Variants in PDE4D observed in about 807,000 individuals in gnomAD.
The protein encoded by PDE4D is 3',5'-cyclic-AMP phosphodiesterase 4D.
PDE4D carries 24 observed loss-of-function variants against 87.4 expected under a neutral mutation model. That is an observed-to-expected ratio of 0.27 (90% CI 0.20 to 0.39). PDE4D has a LOEUF of 0.39. PDE4D is among the 10% of genes least tolerant of loss of function. PDE4D has a pLI of 1.00. For missense variants in PDE4D, 714 were observed against 1,041.0 expected (o/e 0.69, Z 4.32); for synonymous variants, 384 against 383.2 (o/e 1.00, Z -0.02).
At chr5:59,276,140 A>G (rs944413406) in intron 1 of PDE4D, 182 of 983,008 alleles carry the variant, frequency 1.9e-4, no homozygotes, top group Middle Eastern at 1.6e-3. Context: ...AAAAAAAAAA[A>G]AAAGAAAAGC....
At chr5:60,335,387 T>A (rs1015567923) in intron 1 of PDE4D, among the ~76,000 whole-genome samples, 1 of 152,070 alleles carries the variant, frequency 6.6e-6, no homozygotes, top group African/African-American at 2.4e-5. Flanking sequence ...ATTATGGGAG[T>A]TAGGATTCTA....
At chr5:59,718,123 G>GTGATAT (rs1303964837) in intron 1 of PDE4D, among the ~76,000 whole-genome samples, 2 of 152,084 alleles carry the variant, frequency 1.3e-5, no homozygotes, top group African/African-American at 4.8e-5. Context: ...ACTATTCCCA[G>GTGATAT]TGATATTCCC....
chr5:59,547,025 C>A lies in PDE4D; in HGVS notation c.456-331057G>T, dbSNP rs556581297. On this transcript the variant is annotated intron_variant, in intron 1 of 14. Transcript: ENST00000340635. ...TGTGGGCATTATGCTTTCATGCCAA[C>A]CAAGCCACACCTTGATTTTCTGACT... Among the ~76,000 whole-genome samples the A allele has an allele frequency of 6.6e-5, 10 of 152,282 alleles. No homozygotes were observed. In the South Asian group the frequency reaches 1.9e-3, roughly 28 times the overall value.
At chr5:59,798,584 A>T (rs184862159) in intron 1 of PDE4D, among the ~76,000 whole-genome samples, 76 of 152,266 alleles carry the variant, frequency 5.0e-4, no homozygotes, top group Middle Eastern at 6.8e-3. Flanking sequence ...GGTAGGAATG[A>T]AAGAAAAAAC....
intron 2 of PDE4D, among the ~76,000 whole-genome samples, chr5:59,209,625 TTAAA>T (rs1434372941): frequency 6.6e-6 from 1 of 152,252 alleles, no homozygotes; most frequent in African/African-American, 2.4e-5. Context: ...GTTCCAATTA[TTAAA>T]TAGTTAAGTC....
At chr5:60,227,693 C>T (rs1352263302) in intron 1 of PDE4D, among the ~76,000 whole-genome samples, 2 of 151,876 alleles carry the variant, frequency 1.3e-5, no homozygotes, top group Non-Finnish European at 2.9e-5. Flanking sequence ...GTAAAAACCT[C>T]CTAATTAGTC....
intron 5 of PDE4D, among the ~76,000 whole-genome samples, chr5:59,122,061 G>C (rs1253339211): frequency 6.9e-6 from 1 of 145,610 alleles, no homozygotes; most frequent in African/African-American, 2.6e-5. Context: ...AGAATTGCTT[G>C]AACCCGGGAG....
chr5:59,420,644 A>G (rs568721962), intron 1 of PDE4D, among the ~76,000 whole-genome samples: 1 of 150,792 alleles, frequency 6.6e-6, no homozygotes, highest in East Asian at 2.0e-4. Flanking sequence ...GGAGAAAATT[A>G]GATTGTGTTA....
intron 1 of PDE4D, among the ~76,000 whole-genome samples, chr5:60,508,718 C>A (rs899110597): frequency 6.6e-6 from 1 of 152,148 alleles, no homozygotes; most frequent in Non-Finnish European, 1.5e-5. Flanking sequence ...TTTTCATCAC[C>A]TAATCAATAC....
chr5:59,893,580 C>G lies in PDE4D; in HGVS notation c.43G>C (p.Gly15Arg), dbSNP rs1343568016. The G allele has an allele frequency of 2.0e-6, 3 of 1,524,904 alleles. No homozygotes were observed. Among genetic ancestry groups the G allele is most frequent in the East Asian group, 5.2e-5 (2 of 38,192 alleles). 94.5% of individuals were successfully genotyped at this position (1,524,904 alleles called of 1,614,324 possible). ...GSSAPARAGS[G>R]EGSDSAGGAT... ...CCGCCGGCGCTGTCGCTGCCCTCTC[C>G]GCTGCCCGCCCGGGCCGGCGCGCTG... The change falls in exon 1 of 15, where the codon GGA becomes CGA. Residue 15 changes from glycine (G) to arginine (R), a missense_variant. Around this residue, in one of 7 missense-constraint regions of PDE4D, gnomAD observed 268 missense variants for 272.9 expected, o/e 0.98. Coordinates refer to ENST00000340635, the MANE Select transcript of PDE4D (RefSeq NM_001104631.2).
chr5:59,186,922 T>C (rs1743051157), intron 3 of PDE4D, among the ~76,000 whole-genome samples: 1 of 152,166 alleles, frequency 6.6e-6, no homozygotes, highest in African/African-American at 2.4e-5. Context: ...GGATAAATGA[T>C]CCACTGTCGT....
rs11461880 is a variant in PDE4D, at chr5:59,153,758, T to TG, written c.808+26836_808+26837insC. 4.8e-3 allele frequency among the ~76,000 whole-genome samples: 730 copies of TG among 150,696 alleles called. 8 individuals carry two copies. Among genetic ancestry groups the TG allele is most frequent in the African/African-American group, 0.017 (686 of 40,936 alleles). Reference sequence around the variant, plus strand: ...TGCTATACTGGTGGGCAGGGTTTTTTTTTTTGTTGTTGTTGTTTTTTTTTA... The same window carrying TG: ...TGCTATACTGGTGGGCAGGGTTTTTTGTTTTTGTTGTTGTTGTTTTTTTTTA... On this transcript the variant is annotated intron_variant, in intron 5 of 14. Coordinates refer to ENST00000340635, the MANE Select transcript of PDE4D (RefSeq NM_001104631.2).
At chr5:59,596,159 T>C (rs1036581650) in intron 1 of PDE4D, among the ~76,000 whole-genome samples, 4 of 151,624 alleles carry the variant, frequency 2.6e-5, no homozygotes, top group Admixed American at 2.0e-4. Flanking sequence ...TTACACATCA[T>C]TGGCAGTTAA....
rs1765544236 is a variant in PDE4D, at chr5:59,280,079, CT to C, written c.456-64112del. On this transcript the variant is annotated intron_variant, in intron 1 of 14. Coordinates refer to ENST00000340635, the MANE Select transcript of PDE4D (RefSeq NM_001104631.2). ...CTTGTTTCTAATTTTTAGGCACTAA[CT>C]TTTAGGTATCATAAACACTGTGATG... 3.3e-5 allele frequency among the ~76,000 whole-genome samples: 5 copies of C among 152,120 alleles called. 1 individual carries two copies. In the South Asian group the frequency reaches 1.0e-3, roughly 32 times the overall value.
chr5:60,014,254 A>C (rs1765314093), intron 2 of PDE4D, among the ~76,000 whole-genome samples: 2 of 152,164 alleles, frequency 1.3e-5, no homozygotes. Flanking sequence ...TATTGACTAA[A>C]TGTAGCCACG....
chr5:59,344,051 T>C (rs1779220053), intron 1 of PDE4D, among the ~76,000 whole-genome samples: 1 of 152,190 alleles, frequency 6.6e-6, no homozygotes, highest in East Asian at 1.9e-4. Flanking sequence ...GATTACACAG[T>C]ACATAGCACA....
chr5:59,717,286 G>C (rs1755173630), intron 1 of PDE4D, among the ~76,000 whole-genome samples: 1 of 152,180 alleles, frequency 6.6e-6, no homozygotes, highest in Non-Finnish European at 1.5e-5. Context: ...AGTAGAGGAT[G>C]AACATAAATT....
At chr5:59,850,683 T>A (rs1008415596) in intron 1 of PDE4D, among the ~76,000 whole-genome samples, 3 of 151,960 alleles carry the variant, frequency 2.0e-5, no homozygotes, top group African/African-American at 7.2e-5. Context: ...TGTCCTCAAG[T>A]GCCTTTACCT....
intron 5 of PDE4D, among the ~76,000 whole-genome samples, chr5:59,079,953 G>A (rs1219722759): frequency 6.6e-6 from 1 of 151,208 alleles, no homozygotes; most frequent in Non-Finnish European, 1.5e-5. Context: ...AGGGGAAAGG[G>A]CACTAGGACC....
Sources: gnomAD v4.1 joint callset for allele counts (sites outside exome capture counted in the v4.1 genomes callset) on GRCh38, gnomAD v4.1.1 for gene constraint, gnomAD v4.1.1 regional missense constraint, MANE v1.5 for transcripts, NCBI Gene and HGNC (gene_info 2026-07-23, HGNC 2026-07-21) for gene names.